The following GNAS variants were observed in gnomAD, a reference collection of about 807,000 sequenced individuals.
The protein encoded by GNAS is protein ALEX.
A neutral mutation model predicts 54.5 loss-of-function variants in GNAS; 8 were observed. The ratio of observed to expected loss-of-function variants is 0.15; its 90% CI spans 0.09 to 0.26. GNAS has a LOEUF of 0.26. Among genes scored for constraint, GNAS ranks in the 10% least tolerant of loss-of-function variants. The pLI is 1.00. For synonymous variants in GNAS, 204 were observed against 191.4 expected, an observed-to-expected ratio of 1.07 and a Z score of -0.54; for missense variants, 170 against 529.8, an observed-to-expected ratio of 0.32 and a Z score of 6.67.
intron 1 of GNAS, chr20:58,844,083 G>A (rs993508631): frequency 6.6e-6 from 1 of 152,176 alleles, no homozygotes; most frequent in Non-Finnish European, 1.5e-5. Flanking sequence ...TGGTAAGAAT[G>A]AGGTTTTTTG....
At chr20:58,850,961 C>A in intron 1 of GNAS, 1 of 398,682 alleles carries the variant, frequency 2.5e-6, no homozygotes, top group Non-Finnish European at 4.4e-6. Context: ...ATTCGCCAGG[C>A]AGCCTTGATT....
intron 1 of GNAS, chr20:58,855,416 G>A (rs1368183357): frequency 1.0e-4 from 130 of 1,251,756 alleles, no homozygotes; most frequent in Non-Finnish European, 2.4e-5. Flanking sequence ...GTGGGGCTAG[G>A]GGCTCCGCAG....
At chr20:58,860,280 G>A (rs561092181) in intron 1 of GNAS, among the ~76,000 whole-genome samples, 24 of 148,374 alleles carry the variant, frequency 1.6e-4, no homozygotes, top group African/African-American at 5.7e-4. Context: ...GTCTTAGTTT[G>A]TTGGGCTACT....
In GNAS at chr20:58,910,905, A is replaced by G. The variant is rs1026670217; in HGVS notation, c.*76A>G. 13 of 1,395,220 alleles carry G rather than the reference A, an allele frequency of 9.3e-6. No homozygotes were observed. Among genetic ancestry groups the G allele is most frequent in the Admixed American group, 8.4e-5 (5 of 59,202 alleles). The allele number at this position is 1,395,220 out of a possible 1,614,324, so 86.4% of individuals were successfully genotyped here. On this transcript the variant is annotated 3_prime_UTR_variant, in exon 13 of 13. Coordinates refer to ENST00000371085, the MANE Select transcript of GNAS (RefSeq NM_000516.7). The surrounding 1 kb of genome is among the most constrained non-coding windows in gnomAD (Gnocchi z 5.8). ...TGAAACGTAATTGTACAAGCAGTTA[A>G]TCACCCACCATAGGGCATGATTAAC... is the stretch of plus-strand genomic sequence containing the variant.
At chr20:58,894,006 C>T (rs1170208116) in intron 1 of GNAS, among the ~76,000 whole-genome samples, 1 of 152,204 alleles carries the variant, frequency 6.6e-6, no homozygotes, top group East Asian at 1.9e-4. Context: ...GCAGCTTAAG[C>T]CAGTGACACA....
At chr20:58,855,450 G>A (rs2086437843) in intron 1 of GNAS, 1 of 954,702 alleles carries the variant, frequency 1.0e-6, no homozygotes, top group African/African-American at 1.6e-5. Context: ...TCCAGCCAAA[G>A]GCGGGAAGAA....
intron 3 of GNAS, among the ~76,000 whole-genome samples, chr20:58,900,808 T>C (rs1028730313): frequency 4.6e-5 from 7 of 152,226 alleles, no homozygotes; most frequent in Non-Finnish European, 8.8e-5. Flanking sequence ...TCCATCTACA[T>C]AGTAATTGCT....
intron 1 of GNAS, among the ~76,000 whole-genome samples, chr20:58,874,591 A>ACATCTTAGCTCCTGGCCTGCCCTC (rs2087669867): frequency 6.7e-6 from 1 of 149,744 alleles, no homozygotes; most frequent in Non-Finnish European, 1.5e-5. Flanking sequence ...CTCTAGCCTT[A>ACATCTTAGCTCCTGGCCTGCCCTC]CATCTTAGCT....
intron 3 of GNAS, chr20:58,900,194 A>G (rs1458917671): frequency 5.3e-6 from 3 of 565,150 alleles, no homozygotes; most frequent in Admixed American, 3.2e-5. Flanking sequence ...AGGCATCTCT[A>G]TAAGAAATGA....
chr20:58,875,470 G>A (rs2087744750), intron 1 of GNAS, among the ~76,000 whole-genome samples: 1 of 152,182 alleles, frequency 6.6e-6, no homozygotes, highest in Admixed American at 6.5e-5. Flanking sequence ...GAGGCATTGG[G>A]GGGAACAGGG....
intron 2 of GNAS, among the ~76,000 whole-genome samples, chr20:58,896,903 C>T (rs997758144): frequency 6.6e-6 from 1 of 151,976 alleles, no homozygotes; most frequent in African/African-American, 2.4e-5. Context: ...ACAAAACAAA[C>T]AAAAAAACCT....
chr20:58,910,443 C>T lies in GNAS; in HGVS notation c.1038+42C>T. 7.6e-6 allele frequency: 11 copies of T among 1,444,156 alleles called. No individual in the cohort carries two copies. The highest frequency in any genetic ancestry group is 1.1e-5 in the Non-Finnish European group (11 of 1,025,150). The allele number at this position is 1,444,156 out of a possible 1,614,324, so 89.5% of individuals were successfully genotyped here. The stretch of plus-strand genomic sequence containing the variant: ...TTTAGTTTCCTCTCTTGTTCCTCCT[C>T]TTTTTCTCATGGATGTAAATTTACT... On this transcript the variant is annotated intron_variant, in intron 12 of 12. Coordinates refer to ENST00000371085, the MANE Select transcript of GNAS (RefSeq NM_000516.7). The surrounding 1 kb of genome is among the most constrained non-coding windows in gnomAD (Gnocchi z 5.8).
At chr20:58,895,738 C>G in intron 2 of GNAS, 54 bp downstream of exon 2, 1 of 1,040,310 alleles carries the variant, frequency 9.6e-7, no homozygotes, top group Non-Finnish European at 1.5e-6. Flanking sequence ...AGACTTTATA[C>G]TAACCTTTAG....
At chr20:58,845,462 C>T (rs538676410) in intron 1 of GNAS, among the ~76,000 whole-genome samples, 3 of 152,304 alleles carry the variant, frequency 2.0e-5, no homozygotes, top group African/African-American at 7.2e-5. Context: ...ACAGCTAAGA[C>T]TTGTTTGCGC....
At chr20:58,889,918 C>T (rs938987523), upstream of GNAS, among the ~76,000 whole-genome samples, 4 of 151,642 alleles carry the variant, frequency 2.6e-5, no homozygotes, top group African/African-American at 7.3e-5. Flanking sequence ...GCCCGGGCGG[C>T]GGAGAGCGAG....
chr20:58,897,542 C>T (rs2090179593), intron 2 of GNAS: 1 of 152,194 alleles, frequency 6.6e-6, no homozygotes, highest in Admixed American at 6.5e-5. Context: ...AAATAAATTA[C>T]TGACAGCTTC....
At position 58,853,404 on chromosome 20, in the gene GNAS, G is replaced by A. The variant is rs1324156819; in HGVS notation, c.43+12518G>A. 4 of 1,576,798 alleles carry A rather than the reference G, an allele frequency of 2.5e-6. No individual in the cohort carries two copies. Among genetic ancestry groups the A allele is most frequent in the African/African-American group, 1.4e-5 (1 of 73,744 alleles). Reference sequence around the variant, plus strand: ...CCCCGGTGCTGGGCCTAGCCCAGCCGAAGAGATGGAGACCGAACCGCCTCA... The same window carrying A: ...CCCCGGTGCTGGGCCTAGCCCAGCCAAAGAGATGGAGACCGAACCGCCTCA... On this transcript the variant is annotated intron_variant, in intron 1 of 12. Coordinates refer to the GNAS transcript ENST00000306090. The surrounding 1 kb of genome is among the most constrained non-coding windows in gnomAD (Gnocchi z 4.4).
Position 58,856,079 on chromosome 20 carries a change from C to A in GNAS, c.43+15193C>A, listed in dbSNP as rs2086491395. 1 of 176,630 alleles carries A rather than the reference C, an allele frequency of 5.7e-6. No individual in the cohort carries two copies. The highest frequency in any genetic ancestry group is 1.2e-5 in the Non-Finnish European group (1 of 82,984). The allele number at this position is 176,630 out of a possible 1,614,324, so 10.9% of individuals were successfully genotyped here. A position where few individuals can be genotyped will look rare whatever the true frequency, so the allele number is the denominator to read the frequency against. On this transcript the variant is annotated intron_variant, in intron 1 of 12. Transcript: ENST00000306090. The surrounding 1 kb of genome is among the most constrained non-coding windows in gnomAD (Gnocchi z 4.2). The stretch of plus-strand genomic sequence containing the variant: ...CCCTTGGCCTGGGGGAGCGGGGAAT[C>A]GCTTTTCGCCGGCCTCCGCGTAACC...
rs2086570968 is a variant in GNAS at position 58,857,529 on chromosome 20, C to T, written c.43+16643C>T. On this transcript the variant is annotated intron_variant, in intron 1 of 12. Coordinates refer to the GNAS transcript ENST00000306090. This position sits in a 1 kb window ranked among gnomAD's most constrained non-coding sequence, Gnocchi z 4.1. ...GACCCAAGTGACAGTGTGCACCTGA[C>T]CCCTAATTGTCAAATTGGTGATGTG... Among the ~76,000 whole-genome samples, 1 of 152,174 alleles carries T rather than the reference C, an allele frequency of 6.6e-6. No individual in the cohort carries two copies. Among genetic ancestry groups the T allele is most frequent in the Non-Finnish European group, 1.5e-5 (1 of 68,044 alleles).
Sources: allele counts gnomAD v4.1 joint callset (sites outside exome capture counted in the v4.1 genomes callset), GRCh38; gene constraint gnomAD v4.1.1; non-coding constraint Gnocchi (gnomAD v3.1); transcripts MANE v1.5; gene names NCBI Gene and HGNC (gene_info 2026-07-23, HGNC 2026-07-21).